Variants in DLG2 observed in about 807,000 individuals in gnomAD.
The protein encoded by DLG2 is discs large MAGUK scaffold protein 2.
Under a neutral mutation model 132.5 loss-of-function variants are expected in DLG2, and 45 were observed. The observed-to-expected ratio is 0.34, with a 90% confidence interval of 0.27 to 0.44. DLG2 has a LOEUF of 0.44. DLG2 is among the 20% of genes least tolerant of loss of function. DLG2 has a pLI of 1.00. For synonymous variants in DLG2, 424 were observed against 419.6 expected (o/e 1.01, Z -0.13); for missense variants, 1,045 against 1,196.9 (o/e 0.87, Z 1.87).
At chr11:84,570,553 G>A (rs142386360) in intron 6 of DLG2, among the ~76,000 whole-genome samples, 197 of 152,198 alleles carry the variant, frequency 1.3e-3, no homozygotes, top group Non-Finnish European at 2.2e-3. Flanking sequence ...AGTACCATCT[G>A]GTATAGAGTC....
chr11:85,484,423 A>C (rs371035184), intron 3 of DLG2, among the ~76,000 whole-genome samples: 3,219 of 150,740 alleles, frequency 0.021, 100 homozygotes, highest in African/African-American at 0.074. Context: ...CAACCTACAA[A>C]ATGGGAGAAA....
At chr11:85,089,877 T>C (rs571489890) in intron 6 of DLG2, among the ~76,000 whole-genome samples, 8 of 152,136 alleles carry the variant, frequency 5.3e-5, no homozygotes, top group Non-Finnish European at 1.2e-4. Flanking sequence ...CAATGAGATA[T>C]CAACTCACAC....
intron 18 of DLG2, among the ~76,000 whole-genome samples, chr11:83,741,410 G>C (rs2092499510): frequency 1.3e-5 from 2 of 152,078 alleles, no homozygotes; most frequent in South Asian, 4.1e-4. Flanking sequence ...AAATCCTAAA[G>C]ACTCTACCAA....
At chr11:84,566,268 T>C (rs1218272985) in intron 6 of DLG2, among the ~76,000 whole-genome samples, 1 of 152,128 alleles carries the variant, frequency 6.6e-6, no homozygotes, top group Non-Finnish European at 1.5e-5. Context: ...TGGTCTGAAG[T>C]AATTATTTTT....
chr11:85,065,094 G>T (rs554887612), intron 6 of DLG2, among the ~76,000 whole-genome samples: 70 of 151,598 alleles, frequency 4.6e-4, no homozygotes, highest in African/African-American at 1.3e-3. Flanking sequence ...CAGTGGAGAG[G>T]GGTGGGAGGA....
intron 4 of DLG2, among the ~76,000 whole-genome samples, chr11:85,157,055 G>C (rs1209533096): frequency 6.6e-6 from 1 of 152,180 alleles, no homozygotes; most frequent in Non-Finnish European, 1.5e-5. Context: ...TCAGCTGCCA[G>C]TGCAGCTAGG....
rs754344040 is a variant in DLG2 at position 83,833,581 on chromosome 11, T to C, written c.1722+33A>G. On this transcript the variant is annotated intron_variant, in intron 17 of 27. Transcript: ENST00000376104. ...ACTTTTTCATTGATGGCGTCAGATA[T>C]GGAGGGAATAAAGATTAAAGAAACA... 38 of 1,583,470 alleles carry C rather than the reference T, an allele frequency of 2.4e-5. No homozygotes were observed. The Admixed American group carries it at 5.7e-4, about 24-fold the overall frequency.
chr11:84,515,337 G>A (rs894815098), intron 7 of DLG2, among the ~76,000 whole-genome samples: 13 of 148,070 alleles, frequency 8.8e-5, no homozygotes, highest in African/African-American at 3.0e-4. Context: ...TGCAGCCTAC[G>A]AAACCCCACT....
intron 3 of DLG2, among the ~76,000 whole-genome samples, chr11:85,509,023 C>A (rs781322796): frequency 2.0e-5 from 3 of 152,054 alleles, no homozygotes; most frequent in African/African-American, 4.8e-5. Flanking sequence ...CCTCCTAAAT[C>A]ACAAGAGTGA....
chr11:84,409,750 G>C (rs2098888646), intron 7 of DLG2, among the ~76,000 whole-genome samples: 1 of 152,106 alleles, frequency 6.6e-6, no homozygotes, highest in Admixed American at 6.5e-5. Flanking sequence ...AATCATTCCA[G>C]ATCAATATGT....
intron 6 of DLG2, among the ~76,000 whole-genome samples, chr11:84,994,790 A>T (rs1387286960): frequency 6.6e-6 from 1 of 152,106 alleles, no homozygotes; most frequent in Non-Finnish European, 1.5e-5. Context: ...ATTTACAGAT[A>T]ATGGGGGTTA....
At chr11:84,711,003 T>G in intron 6 of DLG2, among the ~76,000 whole-genome samples, 1 of 63,832 alleles carries the variant, frequency 1.6e-5, no homozygotes, top group Middle Eastern at 9.1e-3. Flanking sequence ...CATTCATATA[T>G]ATATAGATAT....
intron 10 of DLG2, among the ~76,000 whole-genome samples, chr11:84,081,054 A>G (rs998378897): frequency 2.6e-5 from 4 of 152,042 alleles, no homozygotes; most frequent in African/African-American, 9.7e-5. Flanking sequence ...TCCTCTGTTA[A>G]TTTACAACTA....
intron 21 of DLG2, among the ~76,000 whole-genome samples, chr11:83,490,060 G>T (rs927581271): frequency 6.6e-6 from 1 of 151,984 alleles, no homozygotes; most frequent in East Asian, 1.9e-4. Context: ...TCACTACTCA[G>T]ATTTTGTCTT....
intron 6 of DLG2, among the ~76,000 whole-genome samples, chr11:84,925,135 G>T (rs1408223705): frequency 6.6e-6 from 1 of 151,992 alleles, no homozygotes. Flanking sequence ...TTTTCCATTA[G>T]AAGCTGGGAA....
chr11:84,937,951 C>G (rs1321706009), intron 6 of DLG2, among the ~76,000 whole-genome samples: 1 of 152,044 alleles, frequency 6.6e-6, no homozygotes, highest in Admixed American at 6.6e-5. Context: ...AAAACTCTGG[C>G]CCAGAACAGA....
intron 2 of DLG2, among the ~76,000 whole-genome samples, chr11:85,621,181 G>A (rs1591379001): frequency 6.7e-6 from 1 of 150,002 alleles, no homozygotes; most frequent in East Asian, 2.0e-4. Context: ...ATGGTTTACT[G>A]AATATTTTAA....
Position 83,469,278 on chromosome 11 carries a change from T to C in DLG2, c.2542A>G (p.Lys848Glu), listed in dbSNP as rs374845450. ...EQMEKDIQEH[K>E]FIEAGQYNDN... ...TTGTACTGGCCGGCTTCTATAAACT[T>C]GTGCTCTTGGATATCTTTCTCCATT... Residue 848 changes from lysine (K) to glutamate (E), a missense_variant, in exon 25 of 28, where the codon AAG becomes GAG. Transcript: ENST00000376104. 15 of 1,613,762 alleles carry C rather than the reference T, an allele frequency of 9.3e-6. No individual in the cohort carries two copies. The highest frequency in any genetic ancestry group is 1.7e-6 in the Non-Finnish European group (2 of 1,179,858).
intron 12 of DLG2, among the ~76,000 whole-genome samples, chr11:83,978,318 G>A (rs1000006483): frequency 5.3e-5 from 8 of 151,918 alleles, no homozygotes; most frequent in East Asian, 1.9e-4. Flanking sequence ...ATATGGAACC[G>A]TGAGTCAAAG....
Sources: gnomAD v4.1 joint callset for allele counts (sites outside exome capture counted in the v4.1 genomes callset) on GRCh38, gnomAD v4.1.1 for gene constraint, MANE v1.5 for transcripts, NCBI Gene and HGNC (gene_info 2026-07-23, HGNC 2026-07-21) for gene names.